The following CPEB1 variants were observed in gnomAD, a reference collection of about 807,000 sequenced individuals.
CPEB1 encodes the protein cytoplasmic polyadenylation element binding protein 1, also known as cytoplasmic polyadenylation element-binding protein 1.
A neutral mutation model predicts 65.8 loss-of-function variants in CPEB1; 7 were observed. That is an observed-to-expected ratio of 0.11 (90% CI 0.06 to 0.20). CPEB1 has a LOEUF of 0.20. Ranked by LOEUF, CPEB1 falls within the 10% of genes least tolerant of loss-of-function variation. CPEB1 has a pLI of 1.00. For synonymous variants in CPEB1, 262 were observed against 260.0 expected, an observed-to-expected ratio of 1.01 and a Z score of -0.08; for missense variants, 551 against 712.2, an observed-to-expected ratio of 0.77 and a Z score of 2.58.
At chr15:82,623,699 T>C (rs1254379323) in intron 3 of CPEB1, among the ~76,000 whole-genome samples, 2 of 152,170 alleles carry the variant, frequency 1.3e-5, no homozygotes, top group Admixed American at 1.3e-4. Flanking sequence ...TACCCATAAT[T>C]TTTTTCTGCT....
chr15:82,556,519 G>A (rs1220263258), intron 5 of CPEB1: 1 of 169,740 alleles, frequency 5.9e-6, no homozygotes, highest in African/African-American at 2.4e-5. Context: ...AAAGCCGAAT[G>A]CCAAAAATGC....
chr15:82,568,668 A>G (rs1267874122), intron 4 of CPEB1, among the ~76,000 whole-genome samples: 2 of 152,236 alleles, frequency 1.3e-5, no homozygotes, highest in Admixed American at 6.5e-5. Context: ...TAAGAATCCA[A>G]TGAAAGGTTG....
intron 1 of CPEB1, among the ~76,000 whole-genome samples, chr15:82,646,846 C>T (rs1378646867): frequency 6.6e-6 from 1 of 152,094 alleles, no homozygotes; most frequent in Non-Finnish European, 1.5e-5. Flanking sequence ...AGTCCCCCCA[C>T]ACTCAGGTGA....
rs556526863 is a variant in CPEB1 at position 82,566,653 on chromosome 15, GA to G, written c.460+4690del. Among the ~76,000 whole-genome samples the G allele has an allele frequency of 3.3e-5, 5 of 152,206 alleles. No individual in the cohort carries two copies. In the East Asian group the frequency reaches 7.7e-4, roughly 24 times the overall value. On this transcript the variant is annotated intron_variant, in intron 4 of 12. Coordinates refer to ENST00000684509, the MANE Select transcript of CPEB1 (RefSeq NM_001365242.1). ...CATCAGGCAAGTTCCATTACCTGTA[GA>G]AAAGACATATTCATGTCCCTTGTAA...
intron 3 of CPEB1, among the ~76,000 whole-genome samples, chr15:82,592,781 G>A (rs1275971524): frequency 6.6e-6 from 1 of 152,016 alleles, no homozygotes; most frequent in Non-Finnish European, 1.5e-5. Flanking sequence ...CAGATTACAA[G>A]GTCAGGAGAT....
At chr15:82,605,795 T>C (rs1379417601) in intron 3 of CPEB1, among the ~76,000 whole-genome samples, 1 of 152,096 alleles carries the variant, frequency 6.6e-6, no homozygotes. Flanking sequence ...TCCTAGCACT[T>C]TGGGAGGCTG....
intron 3 of CPEB1, among the ~76,000 whole-genome samples, chr15:82,585,941 A>AG: frequency 6.6e-6 from 1 of 152,188 alleles, no homozygotes; most frequent in African/African-American, 2.4e-5. Context: ...GTCAGGCACT[A>AG]GCTAGGCAAC....
chr15:82,610,364 G>C (rs754334177), intron 3 of CPEB1, among the ~76,000 whole-genome samples: 1 of 152,104 alleles, frequency 6.6e-6, no homozygotes, highest in African/African-American at 2.4e-5. Flanking sequence ...CAGTCATGAA[G>C]CAAGTATTTC....
chr15:82,630,491 A>G (rs976125872), intron 1 of CPEB1, among the ~76,000 whole-genome samples: 12 of 152,144 alleles, frequency 7.9e-5, no homozygotes, highest in African/African-American at 2.9e-4. Context: ...CTGTAGTCCC[A>G]GCTACTCAGG....
At chr15:82,595,920 T>A (rs1180157456) in intron 3 of CPEB1, among the ~76,000 whole-genome samples, 1 of 152,182 alleles carries the variant, frequency 6.6e-6, no homozygotes, top group Non-Finnish European at 1.5e-5. Flanking sequence ...CAAACCTAAG[T>A]CTGCTCAAGT....
intron 6 of CPEB1, among the ~76,000 whole-genome samples, chr15:82,555,314 A>C (rs1030282266): frequency 6.6e-6 from 1 of 152,214 alleles, no homozygotes; most frequent in African/African-American, 2.4e-5. Context: ...ATTAAATTTA[A>C]ATGTCAGAAC....
intron 3 of CPEB1, among the ~76,000 whole-genome samples, chr15:82,577,381 A>G (rs28582623): frequency 0.2 from 30,095 of 152,068 alleles, 3,262 homozygotes; most frequent in African/African-American, 0.28. Context: ...TTTTAAACTA[A>G]CTTAAAAAAT....
rs535462326 is a variant in CPEB1, at chr15:82,551,254, T to TAC, written c.1281+1224_1281+1225dup. Among the ~76,000 whole-genome samples, 474 of 152,292 alleles carry TAC rather than the reference T, an allele frequency of 3.1e-3. 4 individuals carry two copies. The highest frequency in any genetic ancestry group is 0.011 in the African/African-American group (452 of 41,538). On this transcript the variant is annotated intron_variant, in intron 9 of 12. Transcript: ENST00000684509. ...CCAATAAAATAGGCATTTCTCCTCT[T>TAC]ACCCTATAGATTTTTTTAGAGAAGC...
chr15:82,591,652 T>C (rs1429068449), intron 3 of CPEB1, among the ~76,000 whole-genome samples: 1 of 152,136 alleles, frequency 6.6e-6, no homozygotes, highest in East Asian at 1.9e-4. Flanking sequence ...AAAGTGTCTA[T>C]TCATGTCCTT....
intron 3 of CPEB1, among the ~76,000 whole-genome samples, chr15:82,595,287 T>C (rs889521422): frequency 4.6e-5 from 7 of 152,252 alleles, no homozygotes; most frequent in African/African-American, 1.7e-4. Flanking sequence ...AATGCCCACC[T>C]ATAAGTTTTT....
At chr15:82,594,872 G>C (rs1051607046) in intron 3 of CPEB1, among the ~76,000 whole-genome samples, 4 of 149,838 alleles carry the variant, frequency 2.7e-5, no homozygotes, top group African/African-American at 9.7e-5. Flanking sequence ...GAAAGTGGGA[G>C]AGAGACAGGA....
At position 82,607,109 on chromosome 15, in the gene CPEB1, TA is replaced by T. The variant is rs200048699; in HGVS notation, c.271+20083del. On this transcript the variant is annotated intron_variant, in intron 3 of 12. Transcript: ENST00000684509. ...ACAAAAGAAAGCAGTAATGGAAGAA[TA>T]GGGGGAAAAGACACAAGACATATGG... is the stretch of plus-strand genomic sequence containing the variant. 7.2e-3 allele frequency among the ~76,000 whole-genome samples: 1,092 copies of T among 151,980 alleles called. 10 individuals are homozygous for T. The highest frequency in any genetic ancestry group is 0.024 in the African/African-American group (989 of 41,446).
At chr15:82,641,366 G>C in intron 1 of CPEB1, among the ~76,000 whole-genome samples, 1 of 152,174 alleles carries the variant, frequency 6.6e-6, no homozygotes, top group Non-Finnish European at 1.5e-5. Flanking sequence ...TAAGTAGTAA[G>C]AGATTAAGTG....
At chr15:82,589,956 T>C (rs1353763719) in intron 3 of CPEB1, among the ~76,000 whole-genome samples, 1 of 152,150 alleles carries the variant, frequency 6.6e-6, no homozygotes, top group Non-Finnish European at 1.5e-5. Context: ...ATGCAAATAC[T>C]GTACCATTTT....
Sources: allele counts gnomAD v4.1 joint callset (sites outside exome capture counted in the v4.1 genomes callset), GRCh38; gene constraint gnomAD v4.1.1; transcripts MANE v1.5; gene names NCBI Gene and HGNC (gene_info 2026-07-23, HGNC 2026-07-21).